The following NRP2 variants were observed in gnomAD, a reference collection of about 807,000 sequenced individuals.
NRP2 encodes the protein neuropilin-2.
Under a neutral mutation model 110.4 loss-of-function variants are expected in NRP2, and 52 were observed. The ratio of observed to expected loss-of-function variants is 0.47; its 90% confidence interval spans 0.38 to 0.59. The LOEUF (loss-of-function observed/expected upper bound fraction) is 0.59. Ranked by LOEUF, NRP2 falls within the 20% of genes least tolerant of loss-of-function variation. The probability of loss-of-function intolerance (pLI) is 0.00; values close to 1 mark genes in which losing one functional copy is unlikely to be tolerated. For synonymous variants in NRP2, 508 were observed against 468.9 expected, an observed-to-expected ratio of 1.08 and a Z score of -1.08; for missense variants, 1,049 against 1,203.0, an observed-to-expected ratio of 0.87 and a Z score of 1.89.
intron 1 of NRP2, chr2:205,685,707 C>A: frequency 6.5e-6 from 1 of 152,808 alleles, no homozygotes; most frequent in South Asian, 2.0e-4. Context: ...GCGCCCCCGC[C>A]AGTCCCCTGC....
chr2:205,755,775 G>A (rs532688362), intron 12 of NRP2, among the ~76,000 whole-genome samples: 4 of 152,214 alleles, frequency 2.6e-5, no homozygotes, highest in African/African-American at 9.6e-5. Context: ...AGAGGGGACC[G>A]TCCCACTCTT....
intron 7 of NRP2, among the ~76,000 whole-genome samples, chr2:205,738,041 C>A (rs849581): frequency 6.6e-6 from 1 of 152,144 alleles, no homozygotes; most frequent in Non-Finnish European, 1.5e-5. Context: ...GGTCTCTTAG[C>A]GTTGCCTGCC....
At chr2:205,792,378 C>A (rs2105976201) in intron 16 of NRP2, 93 bp downstream of exon 16, 1 of 869,054 alleles carries the variant, frequency 1.2e-6, no homozygotes. Flanking sequence ...TCGGAGGGCC[C>A]AAATCTAGAA....
intron 2 of NRP2, among the ~76,000 whole-genome samples, chr2:205,703,874 G>T (rs940319702): frequency 6.6e-6 from 1 of 152,210 alleles, no homozygotes; most frequent in African/African-American, 2.4e-5. Flanking sequence ...GGCTGTCCTT[G>T]TGACTTGCTG....
intron 15 of NRP2, chr2:205,776,235 C>T: frequency 6.2e-7 from 1 of 1,611,304 alleles, no homozygotes; most frequent in Non-Finnish European, 8.5e-7. Flanking sequence ...TCTTCTGTGT[C>T]TCTCCACCAG....
intron 10 of NRP2, among the ~76,000 whole-genome samples, chr2:205,749,446 C>T (rs1041014885): frequency 1.3e-5 from 2 of 152,256 alleles, no homozygotes; most frequent in East Asian, 1.9e-4. Flanking sequence ...ATTATTGTCT[C>T]GTGGCCTTTT....
At chr2:205,745,704 G>T in intron 9 of NRP2, 42 bp from the exon 10 acceptor site, 1 of 1,612,864 alleles carries the variant, frequency 6.2e-7, no homozygotes, top group South Asian at 1.1e-5. Context: ...GATAGGGACT[G>T]GGTCCCACAC....
intron 11 of NRP2, 132 bp downstream of exon 11, chr2:205,749,973 TG>T (rs1026432263): frequency 1.3e-6 from 1 of 754,018 alleles, no homozygotes; most frequent in African/African-American, 1.7e-5. Flanking sequence ...GTAAGAGAGG[TG>T]GGGGCACTTA....
At chr2:205,721,846 T>C (rs2057019321) in intron 3 of NRP2, among the ~76,000 whole-genome samples, 1 of 152,132 alleles carries the variant, frequency 6.6e-6, no homozygotes, top group Non-Finnish European at 1.5e-5. Flanking sequence ...AAAACATCGA[T>C]TGTTAATTGT....
At chr2:205,789,530 T>C (rs1386304585) in intron 15 of NRP2, among the ~76,000 whole-genome samples, 2 of 152,162 alleles carry the variant, frequency 1.3e-5, no homozygotes, top group Non-Finnish European at 2.9e-5. Context: ...TTTCTCCCAC[T>C]CTCTCCTGAT....
rs1311578227 is a variant in NRP2 at position 205,792,263 on chromosome 2, A to G, written c.2454A>G (p.Glu818=). 3.7e-6 allele frequency: 6 copies of G among 1,600,832 alleles called. No individual in the cohort carries two copies. Among genetic ancestry groups the G allele is most frequent in the South Asian group, 3.3e-5 (3 of 90,776 alleles). The change falls in exon 16 of 17, where the codon GAA becomes GAG. Residue 818 remains glutamate (E), a synonymous_variant. Coordinates refer to ENST00000357785, the MANE Select transcript of NRP2 (RefSeq NM_003872.3). ...AVDIPEIHER[E]GYEDEIDDEY... is the part of the protein sequence containing the mutation. The stretch of plus-strand genomic sequence containing the variant: ...ACATCCCAGAAATACATGAGAGAGA[A>G]GGATATGAAGATGAAATTGATGGTG...
At chr2:205,735,143 C>T (rs765445778) in intron 7 of NRP2, among the ~76,000 whole-genome samples, 3 of 151,762 alleles carry the variant, frequency 2.0e-5, no homozygotes, top group Non-Finnish European at 4.4e-5. Flanking sequence ...CAGAGGCAGG[C>T]ATGATGACAG....
chr2:205,709,851 A>G (rs1284322319), intron 2 of NRP2, among the ~76,000 whole-genome samples: 1 of 152,150 alleles, frequency 6.6e-6, no homozygotes, highest in East Asian at 1.9e-4. Context: ...CTGCTTTCTC[A>G]CTCCATGGGC....
chr2:205,745,261 C>G (rs1411688437), intron 9 of NRP2, among the ~76,000 whole-genome samples: 1 of 152,156 alleles, frequency 6.6e-6, no homozygotes, highest in Non-Finnish European at 1.5e-5. Context: ...GGGTCATTTT[C>G]CCGTAAGGTT....
intron 2 of NRP2, among the ~76,000 whole-genome samples, chr2:205,711,354 A>C (rs1182217971): frequency 2.6e-5 from 4 of 152,182 alleles, no homozygotes; most frequent in African/African-American, 9.6e-5. Flanking sequence ...AGACCTTTCC[A>C]GATTATAATC....
intron 2 of NRP2, among the ~76,000 whole-genome samples, chr2:205,704,517 G>A (rs759627246): frequency 3.7e-4 from 56 of 152,154 alleles, no homozygotes; most frequent in Non-Finnish European, 7.3e-5. Flanking sequence ...CTCCAGGTAC[G>A]TGGTGGACGA....
intron 13 of NRP2, chr2:205,764,543 A>C (rs2057881610): frequency 6.4e-6 from 1 of 155,072 alleles, no homozygotes; most frequent in Admixed American, 6.3e-5. Context: ...ACACTGTGGA[A>C]GAGGTGACTG....
intron 16 of NRP2, among the ~76,000 whole-genome samples, chr2:205,793,841 A>G (rs1237757394): frequency 6.6e-6 from 1 of 152,206 alleles, no homozygotes; most frequent in Non-Finnish European, 1.5e-5. Context: ...AGGGGGATAC[A>G]GTTCAACCAG....
rs1359836014 is a variant in NRP2, at chr2:205,686,340, C to A, written c.73+2977C>A. Among the ~76,000 whole-genome samples, 1 of 152,150 alleles carries A rather than the reference C, an allele frequency of 6.6e-6. No homozygotes were observed. Among genetic ancestry groups the A allele is most frequent in the Non-Finnish European group, 1.5e-5 (1 of 68,030 alleles). ...GCGCTGGTCTCTGGAGAAGCCTCTG[C>A]CTGCAGCCGCCGGCGAGTTCCCGCC... On this transcript the variant is annotated intron_variant, in intron 1 of 16. Coordinates refer to ENST00000357785, the MANE Select transcript of NRP2 (RefSeq NM_003872.3). The surrounding 1 kb of genome is among the most constrained non-coding windows in gnomAD (Gnocchi z 4.7).
Sources: gnomAD v4.1 joint callset for allele counts (sites outside exome capture counted in the v4.1 genomes callset) on GRCh38, gnomAD v4.1.1 for gene constraint, Gnocchi (gnomAD v3.1) non-coding constraint, MANE v1.5 for transcripts, NCBI Gene and HGNC (gene_info 2026-07-23, HGNC 2026-07-21) for gene names.